LPO: variants seen among roughly 807,000 people sequenced by gnomAD.
LPO encodes the protein lactoperoxidase.
LPO carries 70 observed loss-of-function variants against 68.4 expected under a neutral mutation model. The ratio of observed to expected loss-of-function variants is 1.02; its 90% CI spans 0.84 to 1.25. LPO has a LOEUF of 1.25. LPO is among the 50% of genes most tolerant of loss of function. LPO has a pLI of 0.00. For missense variants in LPO, 873 were observed against 908.4 expected (o/e 0.96, Z 0.50); for synonymous variants, 360 against 357.6 (o/e 1.01, Z -0.08).
chr17:58,253,760 G>A (rs968912539), intron 8 of LPO, among the ~76,000 whole-genome samples: 4 of 152,168 alleles, frequency 2.6e-5, no homozygotes, highest in Non-Finnish European at 2.9e-5. Context: ...ACACAAAACC[G>A]AGTTCTTTCT....
intron 9 of LPO, among the ~76,000 whole-genome samples, chr17:58,261,369 A>T (rs1365505491): frequency 1.3e-5 from 2 of 152,154 alleles, no homozygotes; most frequent in Admixed American, 1.3e-4. Context: ...TCCTTTTATC[A>T]TTATGTAATT....
At position 58,244,088 on chromosome 17, in the gene LPO, GAGACACACACACACACACACACACAC is replaced by G; in HGVS notation, c.164+9_164+34del. On this transcript the variant is annotated splice_region_variant and intron_variant, in intron 3 of 12. Transcript: ENST00000262290. ...TCCTGGACTCCCGAACCAGGTACGT[GAGACACACACACACACACACACACAC>G]ACACACACACACACACACTTCCCTT... 1 of 1,454,500 alleles carries G rather than the reference GAGACACACACACACACACACACACAC, an allele frequency of 6.9e-7. No individual in the cohort carries two copies. The highest frequency in any genetic ancestry group is 9.4e-7 in the Non-Finnish European group (1 of 1,065,776). The allele number at this position is 1,454,500 out of a possible 1,614,324, so 90.1% of individuals were successfully genotyped here.
chr17:58,252,486 G>C lies in LPO; in HGVS notation c.1085G>C (p.Arg362Pro). 1.2e-6 allele frequency: 2 copies of C among 1,611,940 alleles called. No homozygotes were observed. The highest frequency in any genetic ancestry group is 1.1e-5 in the South Asian group (1 of 91,064). The part of the protein sequence containing the change: ...SPCEFINTTA[R>P]VPCFLAGDSR... ...TGTGAGTTCATCAACACCACTGCCC[G>C]TGTGCCCTGCTTCCTGGCAGGTGAG... Residue 362 changes from arginine to proline, a missense_variant, in exon 8 of 13, where the codon CGT becomes CCT. Physicochemically the swap from Arg to Pro is moderately radical, Grantham distance 103. Transcript: ENST00000262290.
At chr17:58,262,093 C>T (rs1451435415) in intron 9 of LPO, among the ~76,000 whole-genome samples, 1 of 152,166 alleles carries the variant, frequency 6.6e-6, no homozygotes, top group East Asian at 1.9e-4. Context: ...TATTTTTACC[C>T]ATTACATTGT....
At chr17:58,255,873 C>CTGTG (rs1187436622) in intron 9 of LPO, among the ~76,000 whole-genome samples, 2 of 152,242 alleles carry the variant, frequency 1.3e-5, no homozygotes, top group East Asian at 3.9e-4. Context: ...ATGCAATCAA[C>CTGTG]TGTGTGTGTG....
chr17:58,259,074 C>T (rs1228887225), intron 9 of LPO, among the ~76,000 whole-genome samples: 1 of 151,760 alleles, frequency 6.6e-6, no homozygotes, highest in African/African-American at 2.4e-5. Flanking sequence ...AGAGCAAAAG[C>T]TTTTAATTTT....
intron 4 of LPO, 63 bp from the exon 5 acceptor site, chr17:58,248,997 C>A: frequency 8.0e-7 from 1 of 1,252,628 alleles, no homozygotes; most frequent in Non-Finnish European, 1.2e-6. Flanking sequence ...CCATTTCCTG[C>A]CTCCCACGGG....
intron 7 of LPO, chr17:58,250,848 G>C: frequency 1.8e-6 from 1 of 565,306 alleles, no homozygotes; most frequent in South Asian, 2.1e-5. Flanking sequence ...AAGTGAACAG[G>C]ACACCGCTCC....
intron 9 of LPO, 113 bp downstream of exon 9, chr17:58,255,084 T>C: frequency 9.2e-7 from 1 of 1,088,240 alleles, no homozygotes; most frequent in Non-Finnish European, 1.3e-6. Flanking sequence ...CACCTCCGTT[T>C]CCCCCGGCCC....
chr17:58,249,716 G>A (rs1012303395), intron 6 of LPO, 21 bp downstream of exon 6: 1 of 1,545,342 alleles, frequency 6.5e-7, no homozygotes, highest in Non-Finnish European at 8.7e-7. Flanking sequence ...GCCGGGCCGG[G>A]GTGAAGGATG....
chr17:58,264,682 C>G lies in LPO; in HGVS notation c.1267-40C>G, dbSNP rs748750664. 5.6e-6 allele frequency: 9 copies of G among 1,609,068 alleles called. No individual in the cohort carries two copies. The South Asian group carries it at 9.9e-5, about 18-fold the overall frequency. On this transcript the variant is annotated intron_variant, in intron 9 of 12. Coordinates refer to ENST00000262290, the MANE Select transcript of LPO (RefSeq NM_006151.3). ...AGCCTCCCTCTGCAGAGGTTTAAAC[C>G]TTCTTACACCCTTTCCTCTTGATTT... is the stretch of plus-strand genomic sequence containing the variant.
At position 58,249,710 on chromosome 17, in the gene LPO, G is replaced by T. The variant is rs1224736401; in HGVS notation, c.573+15G>T. ...CTCTCCCGCTGGTGAGGGCAGGCCG[G>T]GCCGGGGTGAAGGATGGGAGCCAGA... On this transcript the variant is annotated intron_variant, in intron 6 of 12. Coordinates refer to ENST00000262290, the MANE Select transcript of LPO (RefSeq NM_006151.3). The T allele has an allele frequency of 6.5e-7, 1 of 1,550,056 alleles. No individual in the cohort carries two copies. The highest frequency in any genetic ancestry group is 8.6e-7 in the Non-Finnish European group (1 of 1,156,836).
chr17:58,258,931 A>AAT (rs1255269522), intron 9 of LPO, among the ~76,000 whole-genome samples: 1 of 152,112 alleles, frequency 6.6e-6, no homozygotes, highest in Non-Finnish European at 1.5e-5. Context: ...TTGACTTGTA[A>AAT]TGTTGAGTTT....
chr17:58,257,495 A>AG (rs1875625807), intron 9 of LPO, among the ~76,000 whole-genome samples: 1 of 152,244 alleles, frequency 6.6e-6, no homozygotes, highest in Admixed American at 6.5e-5. Context: ...ATGGCTGAAT[A>AG]GTACACCATT....
In LPO at chr17:58,250,583, G is replaced by A; in HGVS notation, c.742G>A (p.Glu248Lys). The change falls in exon 7 of 13, where the codon GAG becomes AAG. Residue 248 changes from glutamate (E) to lysine (K), a missense_variant. By Grantham distance (56) the Glu-to-Lys change is moderately conservative (BLOSUM62 1). Coordinates refer to ENST00000262290, the MANE Select transcript of LPO (RefSeq NM_006151.3). ...CGAGTACTCCAAAGCCCAGTGTGAT[G>A]AGTACTGTATCCAGGGAGACAACTG... ...SSEYSKAQCD[E>K]YCIQGDNCFP... is the part of the protein sequence containing the mutation. 3 of 1,614,112 alleles carry A rather than the reference G, an allele frequency of 1.9e-6. No individual in the cohort carries two copies. Among genetic ancestry groups the A allele is most frequent in the South Asian group, 1.1e-5 (1 of 91,082 alleles).
At chr17:58,249,381 T>C in intron 5 of LPO, 185 bp from the exon 6 acceptor site, 10 of 1,019,370 alleles carry the variant, frequency 9.8e-6, no homozygotes, top group Non-Finnish European at 1.4e-5. Context: ...AGCGGCACCT[T>C]TCCCCGGGGC....
intron 3 of LPO, 52 bp from the exon 4 acceptor site, chr17:58,247,426 A>G: frequency 8.6e-7 from 1 of 1,163,874 alleles, no homozygotes; most frequent in Non-Finnish European, 1.2e-6. Flanking sequence ...AGCGGCCCCC[A>G]GCCCCCTTCC....
At chr17:58,260,810 C>G (rs779940979) in intron 9 of LPO, among the ~76,000 whole-genome samples, 28 of 152,100 alleles carry the variant, frequency 1.8e-4, no homozygotes, top group Non-Finnish European at 4.0e-4. Context: ...TTGACTGCCT[C>G]CCACAAATTT....
Position 58,254,917 on chromosome 17 carries a change from G to A in LPO, c.1212G>A (p.Trp404Ter), listed in dbSNP as rs747530303. 3 of 1,614,086 alleles carry A rather than the reference G, an allele frequency of 1.9e-6. No homozygotes were observed. The highest frequency in any genetic ancestry group is 2.2e-5 in the South Asian group (2 of 91,074). The change falls in exon 9 of 13, where the codon TGG (tryptophan) becomes TGA (stop). Residue 404 changes from tryptophan (W) to a stop codon, truncating the protein, a stop_gained. Coordinates refer to ENST00000262290, the MANE Select transcript of LPO (RefSeq NM_006151.3). LOFTEE classifies it high-confidence loss of function. Reference sequence around the variant, plus strand: ...AACTAAAGAGACTCAACCCTCAGTGGGATGGAGAGAAGCTCTACCAGGAAG... The same window carrying A: ...AACTAAAGAGACTCAACCCTCAGTGAGATGGAGAGAAGCTCTACCAGGAAG... ...ARELKRLNPQ[W>*]DGEKLYQEAR...
Sources: gnomAD v4.1 joint callset for allele counts (sites outside exome capture counted in the v4.1 genomes callset) on GRCh38, gnomAD v4.1.1 for gene constraint, MANE v1.5 for transcripts, NCBI Gene and HGNC (gene_info 2026-07-23, HGNC 2026-07-21) for gene names.